CTNNA2: variants seen among roughly 807,000 people sequenced by gnomAD.
CTNNA2 encodes catenin alpha 2, also known as catenin alpha-2.
Under a neutral mutation model 101.0 loss-of-function variants are expected in CTNNA2, and 42 were observed. That is an observed-to-expected ratio of 0.42 (90% confidence interval 0.32 to 0.54). CTNNA2 has a LOEUF of 0.54. Ranked by LOEUF, CTNNA2 falls within the 20% of genes least tolerant of loss-of-function variation. The probability of loss-of-function intolerance (pLI) is 0.14; values close to 1 mark genes in which losing one functional copy is unlikely to be tolerated. For synonymous variants in CTNNA2, 450 were observed against 456.4 expected (o/e 0.99, Z 0.18); for missense variants, 871 against 1,223.1 (o/e 0.71, Z 4.29).
intron 7 of CTNNA2, among the ~76,000 whole-genome samples, chr2:79,982,329 A>G: frequency 1.6e-5 from 2 of 122,476 alleles, no homozygotes; most frequent in South Asian, 5.3e-4. Flanking sequence ...TATATAACAC[A>G]CATATAAAAC....
chr2:79,726,868 ATATTAGGTT>A (rs1686877055), intron 2 of CTNNA2, among the ~76,000 whole-genome samples: 1 of 152,206 alleles, frequency 6.6e-6, no homozygotes, highest in Non-Finnish European at 1.5e-5. Flanking sequence ...TTCAGACTAC[ATATTAGGTT>A]TTGGATTTGT....
At chr2:80,224,457 T>G (rs1326926594) in intron 7 of CTNNA2, among the ~76,000 whole-genome samples, 1 of 152,128 alleles carries the variant, frequency 6.6e-6, no homozygotes, top group Non-Finnish European at 1.5e-5. Context: ...ATTTTTATTT[T>G]ATTTTGAGAT....
At chr2:79,626,665 G>C (rs1178767085) in intron 1 of CTNNA2, among the ~76,000 whole-genome samples, 1 of 149,292 alleles carries the variant, frequency 6.7e-6, no homozygotes, top group Non-Finnish European at 1.5e-5. Context: ...GTCGAGTCCA[G>C]AAGACATGGG....
At chr2:80,263,680 A>T (rs936943586) in intron 7 of CTNNA2, among the ~76,000 whole-genome samples, 1 of 152,232 alleles carries the variant, frequency 6.6e-6, no homozygotes, top group East Asian at 1.9e-4. Context: ...CTCTCGCCAC[A>T]TAAGTGTTGT....
At chr2:79,367,867 T>C (rs1000056701) in intron 3 of CTNNA2, among the ~76,000 whole-genome samples, 10 of 152,216 alleles carry the variant, frequency 6.6e-5, no homozygotes, top group Admixed American at 4.6e-4. Flanking sequence ...AGAGGTACCA[T>C]TATTATAATC....
chr2:80,138,892 CT>C (rs1047680240), intron 7 of CTNNA2, among the ~76,000 whole-genome samples: 38 of 152,210 alleles, frequency 2.5e-4, no homozygotes, highest in Non-Finnish European at 4.3e-4. Flanking sequence ...GATGTGTCCA[CT>C]TTTTTTGTGC....
At chr2:79,376,380 C>T (rs1053710439) in intron 4 of CTNNA2, among the ~76,000 whole-genome samples, 2 of 152,016 alleles carry the variant, frequency 1.3e-5, no homozygotes, top group African/African-American at 4.8e-5. Flanking sequence ...GCTTAAAAAC[C>T]TCCTACCTGT....
intron 9 of CTNNA2, among the ~76,000 whole-genome samples, chr2:80,430,912 A>G (rs1466019111): frequency 1.3e-5 from 2 of 152,126 alleles, no homozygotes; most frequent in African/African-American, 4.8e-5. Flanking sequence ...AGGTGTGTAT[A>G]TATTATGCAG....
intron 2 of CTNNA2, among the ~76,000 whole-genome samples, chr2:79,679,745 C>T (rs1011825287): frequency 1.3e-5 from 2 of 152,136 alleles, no homozygotes; most frequent in Non-Finnish European, 2.9e-5. Context: ...GCTTGCAAAA[C>T]CTCTGTTTGG....
chr2:80,366,394 G>T (rs1014168980), intron 7 of CTNNA2, among the ~76,000 whole-genome samples: 24 of 152,102 alleles, frequency 1.6e-4, no homozygotes, highest in Non-Finnish European at 2.8e-4. Flanking sequence ...TTTCTTAAAG[G>T]TGCACTGTGG....
intron 3 of CTNNA2, among the ~76,000 whole-genome samples, chr2:79,325,938 C>A (rs941953140): frequency 1.3e-5 from 2 of 152,058 alleles, no homozygotes; most frequent in Non-Finnish European, 2.9e-5. Flanking sequence ...TTTAGAGAGA[C>A]CAGTACCTAA....
intron 2 of CTNNA2, among the ~76,000 whole-genome samples, chr2:79,298,588 A>G (rs532616649): frequency 6.1e-4 from 93 of 152,240 alleles, no homozygotes; most frequent in African/African-American, 2.1e-3. Context: ...CTTTAATTAA[A>G]TTCCCAATTC....
chr2:79,324,070 T>C lies in CTNNA2; in HGVS notation c.-318+11274T>C, dbSNP rs61303963. Among the ~76,000 whole-genome samples the C allele has an allele frequency of 2.2e-3, 339 of 152,324 alleles. 3 individuals are homozygous for C. The highest frequency in any genetic ancestry group is 6.8e-3 in the African/African-American group (283 of 41,580). On this transcript the variant is annotated intron_variant, in intron 3 of 21. Coordinates refer to the CTNNA2 transcript ENST00000466387. ...TTGTTGCTTAAGCCAATTGAGTCCA[T>C]GCATTCAGTCCTGAAAATGAAGCCC...
At chr2:80,492,284 G>A (rs1333712082) in intron 9 of CTNNA2, among the ~76,000 whole-genome samples, 2 of 152,124 alleles carry the variant, frequency 1.3e-5, no homozygotes, top group Admixed American at 1.3e-4. Flanking sequence ...CTTCCGTCAT[G>A]ACTATAAGTT....
chr2:79,392,553 TTTTG>T (rs1439275445), intron 4 of CTNNA2, among the ~76,000 whole-genome samples: 1 of 152,082 alleles, frequency 6.6e-6, no homozygotes, highest in Non-Finnish European at 1.5e-5. Flanking sequence ...TCAGGCCAGT[TTTTG>T]TTTGTTTGTT....
intron 1 of CTNNA2, among the ~76,000 whole-genome samples, chr2:79,650,770 A>G (rs760653016): frequency 4.9e-5 from 7 of 143,282 alleles, no homozygotes; most frequent in African/African-American, 7.7e-5. Flanking sequence ...GTATCTCCCA[A>G]TGCTATCCCT....
At chr2:79,675,199 G>A (rs1427396843) in intron 2 of CTNNA2, among the ~76,000 whole-genome samples, 1 of 152,136 alleles carries the variant, frequency 6.6e-6, no homozygotes, top group East Asian at 1.9e-4. Context: ...TTCAACTGAA[G>A]AACAATGGGA....
intron 2 of CTNNA2, among the ~76,000 whole-genome samples, chr2:79,211,681 C>T (rs1373930604): frequency 2.6e-5 from 4 of 152,088 alleles, no homozygotes; most frequent in African/African-American, 9.7e-5. Flanking sequence ...TCAGTTAAGG[C>T]AGGAACCAGT....
At chr2:79,592,122 CTTT>C (rs56250033) in intron 1 of CTNNA2, among the ~76,000 whole-genome samples, 6 of 56,680 alleles carry the variant, frequency 1.1e-4, no homozygotes, top group Admixed American at 3.8e-4. Context: ...CTTCTTTTTG[CTTT>C]TTTTTTTTTT....
Sources: allele counts gnomAD v4.1 joint callset (sites outside exome capture counted in the v4.1 genomes callset), GRCh38; gene constraint gnomAD v4.1.1; transcripts MANE v1.5; gene names NCBI Gene and HGNC (gene_info 2026-07-23, HGNC 2026-07-21).